The following IQCM variants were observed in gnomAD, a reference collection of about 807,000 sequenced individuals.
IQCM encodes the protein IQ domain-containing protein M.
In IQCM, 45 loss-of-function variants were observed where a neutral mutation model predicts 57.6. The observed-to-expected ratio is 0.78, with a 90% confidence interval of 0.62 to 1.00. The LOEUF (loss-of-function observed/expected upper bound fraction) is 1.00. Among genes scored for constraint, IQCM ranks in the 50% least tolerant of loss-of-function variants. The pLI is 0.00. For missense variants in IQCM, 468 were observed against 511.6 expected (o/e 0.91, Z 0.82); for synonymous variants, 148 against 158.9 (o/e 0.93, Z 0.51).
At chr4:149,639,104 C>T (rs1242336769) in intron 7 of IQCM, among the ~76,000 whole-genome samples, 4 of 152,156 alleles carry the variant, frequency 2.6e-5, no homozygotes, top group Non-Finnish European at 5.9e-5. Flanking sequence ...TCTGGTCATT[C>T]ACTGAATATA....
intron 8 of IQCM, among the ~76,000 whole-genome samples, chr4:149,591,368 T>C (rs941757045): frequency 6.6e-6 from 1 of 152,108 alleles, no homozygotes; most frequent in Non-Finnish European, 1.5e-5. Flanking sequence ...TACATTTCAT[T>C]TAACTCCTAT....
chr4:149,653,516 G>A (rs1759377874), intron 7 of IQCM, among the ~76,000 whole-genome samples: 1 of 151,862 alleles, frequency 6.6e-6, no homozygotes, highest in Non-Finnish European at 1.5e-5. Context: ...CACTTCTTCA[G>A]GCTTTTTATA....
intron 13 of IQCM, among the ~76,000 whole-genome samples, chr4:149,387,549 T>C (rs958361598): frequency 6.6e-6 from 1 of 152,062 alleles, no homozygotes; most frequent in Non-Finnish European, 1.5e-5. Context: ...GAATTTCTTT[T>C]CAAGAAAAAC....
rs544532962 is a variant in IQCM, at chr4:149,432,195, G to A, written c.1390+1201C>T. ...CACCAGTAATGTGTGAGTGTTTGAG[G>A]TATTCCACCTCCTTGTTTGGTATCA... On this transcript the variant is annotated intron_variant, in intron 13 of 13. Coordinates refer to ENST00000636793, the MANE Select transcript of IQCM (RefSeq NM_001363507.2). Among the ~76,000 whole-genome samples the A allele has an allele frequency of 4.9e-4, 74 of 151,798 alleles. 1 individual carries two copies. The South Asian group carries it at 0.015, about 32-fold the overall frequency.
At chr4:149,756,759 A>G (rs1365571057) in intron 2 of IQCM, among the ~76,000 whole-genome samples, 1 of 152,220 alleles carries the variant, frequency 6.6e-6, no homozygotes, top group African/African-American at 2.4e-5. Context: ...CACAAAAAGG[A>G]GGAGTTAGTG....
chr4:149,433,920 A>C (rs1735110834), intron 12 of IQCM, among the ~76,000 whole-genome samples: 1 of 152,124 alleles, frequency 6.6e-6, no homozygotes, highest in African/African-American at 2.4e-5. Flanking sequence ...TAATCTGACA[A>C]AAATGTTGAG....
At chr4:149,712,845 T>C (rs1309588628) in intron 5 of IQCM, among the ~76,000 whole-genome samples, 1 of 152,162 alleles carries the variant, frequency 6.6e-6, no homozygotes, top group Admixed American at 6.5e-5. Context: ...TAATGAACAT[T>C]TCTTATTTTT....
chr4:149,412,201 G>C (rs1733437262), intron 13 of IQCM, among the ~76,000 whole-genome samples: 1 of 151,912 alleles, frequency 6.6e-6, no homozygotes, highest in Admixed American at 6.6e-5. Context: ...AGATATGCTG[G>C]TCTAATAGTT....
chr4:149,627,269 C>A (rs1756896504), intron 7 of IQCM, among the ~76,000 whole-genome samples: 1 of 152,116 alleles, frequency 6.6e-6, no homozygotes, highest in South Asian at 2.1e-4. Flanking sequence ...CTTTTTGAGA[C>A]AGGTGTCTGC....
At chr4:149,513,399 C>T (rs1744619113) in intron 12 of IQCM, among the ~76,000 whole-genome samples, 1 of 151,854 alleles carries the variant, frequency 6.6e-6, no homozygotes, top group African/African-American at 2.4e-5. Flanking sequence ...CTAATATTCC[C>T]TTATAAATAG....
At chr4:149,758,213 A>G (rs766409791) in intron 2 of IQCM, among the ~76,000 whole-genome samples, 10 of 152,180 alleles carry the variant, frequency 6.6e-5, no homozygotes, top group Non-Finnish European at 1.3e-4. Flanking sequence ...ATAGGGATAA[A>G]TAGGGATCTA....
At position 149,521,133 on chromosome 4, in the gene IQCM, C is replaced by T. The variant is rs142226140; in HGVS notation, c.1228+27322G>A. 1.5e-3 allele frequency among the ~76,000 whole-genome samples: 231 copies of T among 152,312 alleles called. 3 individuals are homozygous for T. The highest frequency in any genetic ancestry group is 0.01 in the Middle Eastern group (3 of 294). ...GAATAGTTCTTTCTGTTCATGGTCA[C>T]AGACCCTCTTTAAACAAGGCCTTAA... On this transcript the variant is annotated intron_variant, in intron 12 of 13. Coordinates refer to ENST00000636793, the MANE Select transcript of IQCM (RefSeq NM_001363507.2).
rs542957776 is a variant in IQCM, at chr4:149,548,432, A to C, written c.1228+23T>G. ...AAGTTGAAAGGAAAAGAAGGGGGGAAAAAGAAATGAGAAACTACTCACCTT... is the reference window on the plus strand; with the variant it reads ...AAGTTGAAAGGAAAAGAAGGGGGGACAAAGAAATGAGAAACTACTCACCTT... On this transcript the variant is annotated intron_variant, in intron 12 of 13. Coordinates refer to ENST00000636793, the MANE Select transcript of IQCM (RefSeq NM_001363507.2). 23 of 1,231,406 alleles carry C rather than the reference A, an allele frequency of 1.9e-5. No homozygotes were observed. In the African/African-American group the frequency reaches 3.6e-4, roughly 19 times the overall value. The allele number at this position is 1,231,406 out of a possible 1,614,324, so 76.3% of individuals were successfully genotyped here. A position where few individuals can be genotyped will look rare whatever the true frequency, so the allele number is the denominator to read the frequency against.
intron 12 of IQCM, among the ~76,000 whole-genome samples, chr4:149,483,640 T>A (rs558006912): frequency 6.6e-6 from 1 of 151,976 alleles, no homozygotes; most frequent in Non-Finnish European, 1.5e-5. Flanking sequence ...AGATGCTTGA[T>A]GTTATTTCAG....
At chr4:149,687,568 A>G (rs55859307) in intron 5 of IQCM, among the ~76,000 whole-genome samples, 32,223 of 151,604 alleles carry the variant, frequency 0.21, 4,253 homozygotes, top group Non-Finnish European at 0.28. Flanking sequence ...TACTCCACAA[A>G]ATAGAGAAAG....
chr4:149,465,341 T>C (rs1738742493), intron 12 of IQCM, among the ~76,000 whole-genome samples: 1 of 152,192 alleles, frequency 6.6e-6, no homozygotes, highest in African/African-American at 2.4e-5. Context: ...TAGGCCCTTG[T>C]GGCACAGCCA....
intron 13 of IQCM, among the ~76,000 whole-genome samples, chr4:149,378,198 T>C (rs148822260): frequency 1.6e-3 from 236 of 152,238 alleles, no homozygotes; most frequent in African/African-American, 5.4e-3. Flanking sequence ...GGCTCTGTCT[T>C]CATCAGCAGC....
intron 12 of IQCM, among the ~76,000 whole-genome samples, chr4:149,479,364 C>T (rs541878418): frequency 6.6e-6 from 1 of 152,260 alleles, no homozygotes; most frequent in East Asian, 1.9e-4. Context: ...AATATTTGGG[C>T]ATACCCCTTA....
intron 12 of IQCM, among the ~76,000 whole-genome samples, chr4:149,507,642 G>C (rs916641754): frequency 1.3e-5 from 2 of 152,048 alleles, no homozygotes; most frequent in Admixed American, 6.5e-5. Context: ...GGTGACTTGG[G>C]TACTGTTAAA....
Sources: allele counts gnomAD v4.1 joint callset (sites outside exome capture counted in the v4.1 genomes callset), GRCh38; gene constraint gnomAD v4.1.1; transcripts MANE v1.5; gene names NCBI Gene and HGNC (gene_info 2026-07-23, HGNC 2026-07-21).